Variants in NLRP9 observed in about 807,000 individuals in gnomAD.
The protein encoded by NLRP9 is NLR family pyrin domain containing 9.
In NLRP9, 88 loss-of-function variants were observed where a neutral mutation model predicts 83.1. The observed-to-expected ratio is 1.06, with a 90% CI of 0.89 to 1.26. The LOEUF is 1.26. NLRP9 is among the 50% of genes most tolerant of loss of function. The probability of loss-of-function intolerance (pLI) is 0.00; values close to 1 mark genes in which losing one functional copy is unlikely to be tolerated. For synonymous variants in NLRP9, 521 were observed against 447.6 expected (o/e 1.16, Z -2.07); for missense variants, 1,308 against 1,179.3 (o/e 1.11, Z -1.60).
chr19:55,734,290 G>A (rs564969412), intron 1 of NLRP9, among the ~76,000 whole-genome samples: 1 of 140,606 alleles, frequency 7.1e-6, no homozygotes, highest in South Asian at 2.3e-4. Context: ...CTTGAACCTA[G>A]GAAGCGGAGA....
At position 55,711,825 on chromosome 19, in the gene NLRP9, G is replaced by T. The variant is rs752461716; in HGVS notation, c.2818C>A (p.Pro940Thr). ...VVVLCEALSH[P>T]DCALQMLGLH... Reference sequence around the variant, plus strand: ...CCCAGCATCTGCAGGGCACAGTCCGGGTGGCTCAATGCCTCACACAGCACC... The same window carrying T: ...CCCAGCATCTGCAGGGCACAGTCCGTGTGGCTCAATGCCTCACACAGCACC... Residue 940 changes from proline to threonine, a missense_variant, in exon 8 of 9, where the codon CCG becomes ACG. Coordinates refer to ENST00000332836, the MANE Select transcript of NLRP9 (RefSeq NM_176820.4). The T allele has an allele frequency of 2.9e-5, 46 of 1,613,138 alleles. No individual in the cohort carries two copies. Among genetic ancestry groups the T allele is most frequent in the Admixed American group, 5.0e-5 (3 of 59,980 alleles).
At position 55,732,424 on chromosome 19, in the gene NLRP9, G is replaced by A; in HGVS notation, c.1407C>T (p.Ala469=). The A allele has an allele frequency of 6.2e-7, 1 of 1,614,228 alleles. No homozygotes were observed. Among genetic ancestry groups the A allele is most frequent in the Non-Finnish European group, 8.5e-7 (1 of 1,180,046 alleles). ...LKRPKDDPNP[A]IGSITQLVRA... Reference sequence around the variant, plus strand: ...TTACAAGCTGGGTTATGCTTCCAATGGCCGGGTTAGGATCGTCTTTGGGTC... The same window carrying A: ...TTACAAGCTGGGTTATGCTTCCAATAGCCGGGTTAGGATCGTCTTTGGGTC... The change falls in exon 2 of 9, where the codon GCC becomes GCT. Residue 469 remains alanine, a synonymous_variant. Transcript: ENST00000332836.
At chr19:55,718,521 T>A (rs1177079208) in intron 4 of NLRP9, among the ~76,000 whole-genome samples, 1 of 152,208 alleles carries the variant, frequency 6.6e-6, no homozygotes, top group Non-Finnish European at 1.5e-5. Flanking sequence ...CTGTGACTCT[T>A]TGCTACACTG....
At chr19:55,712,621 C>G in intron 6 of NLRP9, 31 bp from the exon 7 acceptor site, 4 of 1,596,990 alleles carry the variant, frequency 2.5e-6, no homozygotes, top group Non-Finnish European at 2.6e-6. Context: ...CAAATACGTA[C>G]ACTTATGAGG....
rs1318863501 is a variant in NLRP9, at chr19:55,738,077, C to T, written c.280+18G>A. The T allele has an allele frequency of 6.2e-7, 1 of 1,612,988 alleles. No homozygotes were observed. Among genetic ancestry groups the T allele is most frequent in the Non-Finnish European group, 8.5e-7 (1 of 1,179,330 alleles). Reference sequence around the variant, plus strand: ...CAGGCTTCCCCCATGGGTCCTCGCCCCATCATCCAGCACTTACTTCTCATC... The same window carrying T: ...CAGGCTTCCCCCATGGGTCCTCGCCTCATCATCCAGCACTTACTTCTCATC... On this transcript the variant is annotated intron_variant, in intron 1 of 8. Coordinates refer to ENST00000332836, the MANE Select transcript of NLRP9 (RefSeq NM_176820.4).
In NLRP9 at chr19:55,726,024, A is replaced by AG. The variant is rs536856240; in HGVS notation, c.1995-1881dup. Among the ~76,000 whole-genome samples, 185 of 151,396 alleles carry AG rather than the reference A, an allele frequency of 1.2e-3. 1 individual carries two copies. The highest frequency in any genetic ancestry group is 4.3e-3 in the African/African-American group (180 of 41,424). ...CTAGGGGACAGAGCGAGACTGTCTC[A>AG]GAAAAAAAAAAAGAAAAACAGCAAA... On this transcript the variant is annotated intron_variant, in intron 3 of 8. Transcript: ENST00000332836.
At chr19:55,736,353 T>C (rs975742181) in intron 1 of NLRP9, among the ~76,000 whole-genome samples, 3 of 152,114 alleles carry the variant, frequency 2.0e-5, no homozygotes, top group African/African-American at 2.4e-5. Flanking sequence ...ATCGCGCCAC[T>C]GCACTCCAGC....
chr19:55,720,057 A>C (rs1412889024), intron 4 of NLRP9, among the ~76,000 whole-genome samples: 1 of 152,234 alleles, frequency 6.6e-6, no homozygotes, highest in African/African-American at 2.4e-5. Flanking sequence ...GGGGGAAAAA[A>C]ATCTACAAAA....
intron 2 of NLRP9, among the ~76,000 whole-genome samples, chr19:55,731,119 A>G (rs554127667): frequency 6.6e-6 from 1 of 152,146 alleles, no homozygotes; most frequent in South Asian, 2.1e-4. Context: ...TGAACAGGGA[A>G]CTGTATCCAA....
In NLRP9 at chr19:55,715,175, A is replaced by C. The variant is rs767963427; in HGVS notation, c.2381T>G (p.Val794Gly). Residue 794 changes from valine (V) to glycine (G), a missense_variant, in exon 6 of 9, where the codon GTC becomes GGC. Transcript: ENST00000332836. ...GGACAGGGACTTACTGCACAAGAGG[A>C]CTTCGGAAATGGAGTCACAGGAGAC... ...TSVSCDSISEVLLCSKSLSLL... is the reference protein window; with the variant it reads ...TSVSCDSISEGLLCSKSLSLL... 3.7e-6 allele frequency: 6 copies of C among 1,613,318 alleles called. No individual in the cohort carries two copies. Among genetic ancestry groups the C allele is most frequent in the Non-Finnish European group, 5.1e-6 (6 of 1,179,894 alleles).
At chr19:55,709,765 G>C (rs940123573) in intron 8 of NLRP9, 1 of 152,074 alleles carries the variant, frequency 6.6e-6, no homozygotes, top group Non-Finnish European at 1.5e-5. Context: ...TCCCTCAACA[G>C]CTATCGTTCT....
chr19:55,718,687 G>T (rs948935402), intron 4 of NLRP9, among the ~76,000 whole-genome samples: 1 of 152,224 alleles, frequency 6.6e-6, no homozygotes, highest in African/African-American at 2.4e-5. Flanking sequence ...CCCTCGCCAA[G>T]ATAGTAAAAA....
At chr19:55,718,404 GA>G (rs200823567) in intron 4 of NLRP9, among the ~76,000 whole-genome samples, 2,682 of 152,250 alleles carry the variant, frequency 0.018, 40 homozygotes, top group Non-Finnish European at 0.025. Flanking sequence ...TGGTCCCTGG[GA>G]ATGGAATGTC....
At chr19:55,727,894 A>G (rs1988447640) in intron 3 of NLRP9, among the ~76,000 whole-genome samples, 1 of 152,184 alleles carries the variant, frequency 6.6e-6, no homozygotes, top group Admixed American at 6.5e-5. Context: ...ACAGTCTTAC[A>G]ATGGCTATGA....
At chr19:55,725,700 C>T (rs57077719) in intron 3 of NLRP9, among the ~76,000 whole-genome samples, 10,995 of 152,114 alleles carry the variant, frequency 0.072, 1,351 homozygotes, top group African/African-American at 0.25. Flanking sequence ...CAGAGCCTGA[C>T]CCACTAACAG....
rs1305352368 is a variant in NLRP9, at chr19:55,734,618, CACATAT to C, written c.281-1074_281-1069del. On this transcript the variant is annotated intron_variant, in intron 1 of 8. Transcript: ENST00000332836. Reference sequence around the variant, plus strand: ...ATACATACACATACACACACACACACACATATATATATATATATATTTTTTTTTTTT... The same window carrying C: ...ATACATACACATACACACACACACACATATATATATATATTTTTTTTTTTT... Among the ~76,000 whole-genome samples the C allele has an allele frequency of 7.3e-3, 694 of 95,094 alleles. 12 individuals carry two copies. The highest frequency in any genetic ancestry group is 0.027 in the African/African-American group (673 of 25,336). The allele number at this position is 95,094 out of a possible 152,430, so 62.4% of individuals were successfully genotyped here. A position where few individuals can be genotyped will look rare whatever the true frequency, so the allele number is the denominator to read the frequency against.
At chr19:55,719,993 A>G (rs1052523650) in intron 4 of NLRP9, among the ~76,000 whole-genome samples, 2 of 152,250 alleles carry the variant, frequency 1.3e-5, no homozygotes, top group Non-Finnish European at 2.9e-5. Flanking sequence ...TTTAACATGT[A>G]AAAGAACAAA....
At chr19:55,737,734 TAA>T (rs57736610) in intron 1 of NLRP9, 4,075 of 80,038 alleles carry the variant, frequency 0.051, 74 homozygotes, top group East Asian at 0.15. Flanking sequence ...ACCCTTTCTC[TAA>T]AAAAAAAAAA....
Position 55,733,513 on chromosome 19 carries a change from TG to T in NLRP9, c.317del (p.Thr106AsnfsTer23), listed in dbSNP as rs773678094. ...TTTCCTTCTCCCATATGAGTTGAAA[TG>T]TTTCCTTCATATGCTTTCTGTATGG... ...LNPYRKHMKE[T>X]FQLIWEKETC... On this transcript the variant is annotated frameshift_variant, in exon 2 of 9. Transcript: ENST00000332836. LOFTEE classifies it high-confidence loss of function. 1 of 1,606,450 alleles carries T rather than the reference TG, an allele frequency of 6.2e-7. No individual in the cohort carries two copies. Among genetic ancestry groups the T allele is most frequent in the African/African-American group, 1.3e-5 (1 of 74,636 alleles).
Sources: allele counts gnomAD v4.1 joint callset (sites outside exome capture counted in the v4.1 genomes callset), GRCh38; gene constraint gnomAD v4.1.1; transcripts MANE v1.5; gene names NCBI Gene and HGNC (gene_info 2026-07-23, HGNC 2026-07-21).